Variants in ITSN2 observed in about 807,000 individuals in gnomAD.
ITSN2 encodes intersectin 2.
A neutral mutation model predicts 243.7 loss-of-function variants in ITSN2; 156 were observed. The observed-to-expected ratio is 0.64, with a 90% CI of 0.56 to 0.73. The LOEUF (loss-of-function observed/expected upper bound fraction) is 0.73, where lower values mean the gene tolerates loss of function less well. ITSN2 is among the 30% of genes least tolerant of loss of function. ITSN2 has a pLI of 0.00. For synonymous variants in ITSN2, 703 were observed against 699.9 expected, an observed-to-expected ratio of 1.00 and a Z score of -0.07; for missense variants, 1,801 against 1,996.1, an observed-to-expected ratio of 0.90 and a Z score of 1.86.
At chr2:24,229,301 C>T (rs1671348487) in intron 29 of ITSN2, among the ~76,000 whole-genome samples, 1 of 151,926 alleles carries the variant, frequency 6.6e-6, no homozygotes, top group Admixed American at 6.6e-5. Context: ...TCCATAGAAC[C>T]AGGCTGGGCG....
chr2:24,291,165 T>C (rs929326568), intron 15 of ITSN2, among the ~76,000 whole-genome samples: 4 of 152,200 alleles, frequency 2.6e-5, no homozygotes, highest in Non-Finnish European at 5.9e-5. Context: ...AGTCTCACTC[T>C]ATTACCCAGG....
At chr2:24,323,199 CTGAG>C (rs1684784994) in intron 2 of ITSN2, among the ~76,000 whole-genome samples, 1 of 152,258 alleles carries the variant, frequency 6.6e-6, no homozygotes, top group African/African-American at 2.4e-5. Flanking sequence ...CAACAATAGA[CTGAG>C]TATTAACAAA....
At chr2:24,310,407 T>A in intron 6 of ITSN2, 27 bp from the exon 7 acceptor site, 1 of 1,608,926 alleles carries the variant, frequency 6.2e-7, no homozygotes, top group Non-Finnish European at 8.5e-7. Context: ...AGGAAAAGTA[T>A]GAAAGAAATT....
At chr2:24,346,420 CAA>C (rs1355367017) in intron 1 of ITSN2, among the ~76,000 whole-genome samples, 2 of 152,250 alleles carry the variant, frequency 1.3e-5, no homozygotes, top group South Asian at 4.1e-4. Context: ...TCAAAACTGT[CAA>C]AGTCATCAAA....
chr2:24,330,364 G>T, intron 1 of ITSN2: 1 of 530,528 alleles, frequency 1.9e-6, no homozygotes, highest in Non-Finnish European at 3.6e-6. Context: ...ACTGCATCCT[G>T]TGCCAAGTGC....
At chr2:24,235,387 G>A (rs1234908083) in intron 29 of ITSN2, among the ~76,000 whole-genome samples, 2 of 151,792 alleles carry the variant, frequency 1.3e-5, no homozygotes, top group Non-Finnish European at 2.9e-5. Flanking sequence ...AAAATACTCT[G>A]TATGATACTG....
intron 1 of ITSN2, among the ~76,000 whole-genome samples, 194 bp downstream of exon 1, chr2:24,360,110 G>A (rs1394345921): frequency 3.3e-5 from 5 of 152,062 alleles, no homozygotes; most frequent in East Asian, 3.9e-4. Flanking sequence ...GGAACCCGGG[G>A]CCGGAGGTTT....
chr2:24,209,743 C>T (rs957423916), intron 35 of ITSN2, 75 bp downstream of exon 35: 2 of 1,186,164 alleles, frequency 1.7e-6, no homozygotes, highest in Non-Finnish European at 2.5e-6. Context: ...AGCTCAGGGT[C>T]TGCCAGGAAG....
At chr2:24,332,824 CAATTAATA>C (rs1286633300) in intron 1 of ITSN2, among the ~76,000 whole-genome samples, 10 of 152,194 alleles carry the variant, frequency 6.6e-5, no homozygotes, top group Non-Finnish European at 1.0e-4. Flanking sequence ...TTTCAAAAAG[CAATTAATA>C]AATTAACATT....
At chr2:24,257,857 A>C (rs1468717718) in intron 23 of ITSN2, 31 bp downstream of exon 23, 1 of 1,506,452 alleles carries the variant, frequency 6.6e-7, no homozygotes, top group Non-Finnish European at 9.2e-7. Context: ...ACCAACATCC[A>C]CATCTCATGA....
intron 1 of ITSN2, among the ~76,000 whole-genome samples, chr2:24,344,396 C>T (rs764699193): frequency 6.6e-6 from 1 of 152,114 alleles, no homozygotes; most frequent in Non-Finnish European, 1.5e-5. Context: ...GGTGTGTAAA[C>T]ATACTTGTTT....
chr2:24,213,587 T>G (rs1669698006), intron 32 of ITSN2, among the ~76,000 whole-genome samples: 1 of 152,240 alleles, frequency 6.6e-6, no homozygotes, highest in African/African-American at 2.4e-5. Context: ...AAAAGTAACA[T>G]TTTAGAACAC....
At chr2:24,271,710 G>T in intron 19 of ITSN2, 56 bp downstream of exon 19, 1 of 1,455,042 alleles carries the variant, frequency 6.9e-7, no homozygotes, top group South Asian at 1.6e-5. Context: ...TCTCTTATCA[G>T]GTCATTTTTT....
At position 24,284,824 on chromosome 2, in the gene ITSN2, G is replaced by A. The variant is rs1679253553; in HGVS notation, c.1883C>T (p.Ser628Phe). The A allele has an allele frequency of 6.3e-7, 1 of 1,597,268 alleles. No individual in the cohort carries two copies. Among genetic ancestry groups the A allele is most frequent in the Non-Finnish European group, 8.6e-7 (1 of 1,167,498 alleles). The change falls in exon 17 of 40, where the codon TCT becomes TTT. Residue 628 changes from serine (S) to phenylalanine (F), a missense_variant. By Grantham distance (155) the Ser-to-Phe change is radical. Transcript: ENST00000355123. ...CAGAGACAAAAGGCACTGAAGAACA[G>A]AGTCATCCATATTCCCACACTGTAA... Reference protein sequence around the residue: ...NQLKCGNMDDSVLQCLLSLLS... With the variant: ...NQLKCGNMDDFVLQCLLSLLS...
chr2:24,271,950 A>T lies in ITSN2; in HGVS notation c.2082-9T>A. The T allele has an allele frequency of 1.3e-6, 2 of 1,504,482 alleles. No homozygotes were observed. Among genetic ancestry groups the T allele is most frequent in the Non-Finnish European group, 1.8e-6 (2 of 1,116,552 alleles). 93.2% of individuals were successfully genotyped at this position (1,504,482 alleles called of 1,614,324 possible). A position where few individuals can be genotyped will look rare whatever the true frequency, so the allele number is the denominator to read the frequency against. On this transcript the variant is annotated splice_polypyrimidine_tract_variant and intron_variant, in intron 18 of 39. Coordinates refer to ENST00000355123, the MANE Select transcript of ITSN2 (RefSeq NM_006277.3). Reference sequence around the variant, plus strand: ...TTCCTTGCTTTGCTTTCCTTTACATAAAAGAAAAAGAGTTTGTATAATGTC... The same window carrying T: ...TTCCTTGCTTTGCTTTCCTTTACATTAAAGAAAAAGAGTTTGTATAATGTC...
At chr2:24,280,739 C>A (rs774610770) in intron 17 of ITSN2, among the ~76,000 whole-genome samples, 45 of 152,092 alleles carry the variant, frequency 3.0e-4, no homozygotes, top group African/African-American at 6.5e-4. Context: ...CAATACCATT[C>A]TCTCCTTCCT....
At chr2:24,332,081 TA>T (rs1685855139) in intron 1 of ITSN2, among the ~76,000 whole-genome samples, 1 of 152,232 alleles carries the variant, frequency 6.6e-6, no homozygotes, top group African/African-American at 2.4e-5. Context: ...CCATCTCTAC[TA>T]AAAATACAAA....
rs762051706 is a variant in ITSN2 at position 24,204,408 on chromosome 2, G to A, written c.4773C>T (p.Asn1591=). 1.2e-6 allele frequency: 2 copies of A among 1,614,132 alleles called. No individual in the cohort carries two copies. The highest frequency in any genetic ancestry group is 1.3e-5 in the African/African-American group (1 of 75,026). ...LKACKPNGKS[N]PYCEISMGSQ... ...AGCCCATGCTGATTTCACAGTATGG[G>A]TTGCTCTTTCCTGAACAAAAACAAA... Residue 1591 remains asparagine (N), a synonymous_variant, in exon 39 of 40, where the codon AAC becomes AAT. Coordinates refer to ENST00000355123, the MANE Select transcript of ITSN2 (RefSeq NM_006277.3). This position sits in a 1 kb window ranked among gnomAD's most constrained non-coding sequence, Gnocchi z 5.1.
At chr2:24,261,802 G>T in intron 20 of ITSN2, 60 bp from the exon 21 acceptor site, 1 of 1,299,312 alleles carries the variant, frequency 7.7e-7, no homozygotes, top group South Asian at 1.3e-5. Flanking sequence ...ACAATGGAAA[G>T]AGATGAAAAC....
Sources: gnomAD v4.1 joint callset for allele counts (sites outside exome capture counted in the v4.1 genomes callset) on GRCh38, gnomAD v4.1.1 for gene constraint, Gnocchi (gnomAD v3.1) non-coding constraint, MANE v1.5 for transcripts, NCBI Gene and HGNC (gene_info 2026-07-23, HGNC 2026-07-21) for gene names.